Variants in SERPINA6 observed in about 807,000 individuals in gnomAD.
The protein encoded by SERPINA6 is corticosteroid-binding globulin.
In SERPINA6, 19 loss-of-function variants were observed where a neutral mutation model predicts 26.4. The ratio of observed to expected loss-of-function variants is 0.72; its 90% CI spans 0.50 to 1.06. SERPINA6 has a LOEUF of 1.06. SERPINA6 is among the 50% of genes least tolerant of loss of function. SERPINA6 has a pLI of 0.00. For synonymous variants in SERPINA6, 196 were observed against 199.4 expected (o/e 0.98, Z 0.14); for missense variants, 473 against 504.0 (o/e 0.94, Z 0.59).
intron 4 of SERPINA6, among the ~76,000 whole-genome samples, chr14:94,305,758 AG>A (rs1895428218): frequency 1.3e-5 from 2 of 152,210 alleles, no homozygotes; most frequent in Non-Finnish European, 2.9e-5. Context: ...TCTTTTTGCC[AG>A]GGGCCACTCA....
chr14:94,320,594 C>T (rs1895670990), intron 1 of SERPINA6, among the ~76,000 whole-genome samples: 1 of 152,178 alleles, frequency 6.6e-6, no homozygotes, highest in Non-Finnish European at 1.5e-5. Flanking sequence ...AACTCTGCTA[C>T]GTTTAATTTG....
rs1311405166 is a variant in SERPINA6, at chr14:94,309,963, C to T, written c.657G>A (p.Glu219=). The T allele has an allele frequency of 6.2e-7, 1 of 1,614,164 alleles. No homozygotes were observed. Among genetic ancestry groups the T allele is most frequent in the Non-Finnish European group, 8.5e-7 (1 of 1,180,036 alleles). Residue 219 remains glutamate (E), a synonymous_variant, in exon 3 of 5, where the codon GAG becomes GAA. Coordinates refer to ENST00000341584, the MANE Select transcript of SERPINA6 (RefSeq NM_001756.4). ...CAGTTGTCTCGTCCACATAGAAGTTCTCCTCCCTGGTGCTTGCCAGGTCAA... is the reference window on the plus strand; with the variant it reads ...CAGTTGTCTCGTCCACATAGAAGTTTTCCTCCCTGGTGCTTGCCAGGTCAA... The part of the protein sequence containing the change: ...QPFDLASTRE[E]NFYVDETTVV...
chr14:94,314,774 C>T (rs1371029937), intron 1 of SERPINA6, 107 bp from the exon 2 acceptor site: 9 of 1,038,270 alleles, frequency 8.7e-6, no homozygotes. Flanking sequence ...CAGTTCCTTC[C>T]TCCACACTGG....
intron 1 of SERPINA6, among the ~76,000 whole-genome samples, chr14:94,321,293 G>C (rs558401839): frequency 1.4e-4 from 21 of 152,180 alleles, no homozygotes; most frequent in Admixed American, 2.6e-4. Flanking sequence ...AATTCAAGCT[G>C]ATCGGTTCTG....
At chr14:94,313,544 G>C (rs1895562660) in intron 2 of SERPINA6, among the ~76,000 whole-genome samples, 1 of 152,210 alleles carries the variant, frequency 6.6e-6, no homozygotes, top group South Asian at 2.1e-4. Flanking sequence ...GCTTCTAGAA[G>C]CTGGAAAAAG....
At position 94,304,449 on chromosome 14, in the gene SERPINA6, A is replaced by G. The variant is rs1323470584; in HGVS notation, c.1187T>C (p.Leu396Pro). The change falls in exon 5 of 5, where the codon CTT becomes CCT. Residue 396 changes from leucine (L) to proline (P), a missense_variant. Physicochemically the swap from Leu to Pro is moderately conservative, Grantham distance 98 (BLOSUM62 -3). Transcript: ENST00000341584. Reference protein sequence around the residue: ...MIFDHFTWSSLFLARVMNPV With the variant: ...MIFDHFTWSSPFLARVMNPV ...TGGGTTCATAACCCTCGCCAGGAAA[A>G]GGCTGCTCCAGGTGAAGTGGTCGAA... 1 of 1,613,986 alleles carries G rather than the reference A, an allele frequency of 6.2e-7. No homozygotes were observed. Among genetic ancestry groups the G allele is most frequent in the African/African-American group, 1.3e-5 (1 of 74,884 alleles).
At chr14:94,305,386 T>C (rs1304696540) in intron 4 of SERPINA6, among the ~76,000 whole-genome samples, 1 of 152,216 alleles carries the variant, frequency 6.6e-6, no homozygotes, top group African/African-American at 2.4e-5. Context: ...GTGGGGAAGC[T>C]GCATACCCTC....
intron 1 of SERPINA6, among the ~76,000 whole-genome samples, chr14:94,315,877 T>C (rs183133396): frequency 1.2e-4 from 19 of 152,176 alleles, no homozygotes; most frequent in Non-Finnish European, 2.2e-4. Context: ...ATTGAAACAC[T>C]TTAATAATTC....
intron 2 of SERPINA6, among the ~76,000 whole-genome samples, chr14:94,313,039 G>A (rs894731867): frequency 3.3e-5 from 5 of 152,248 alleles, no homozygotes; most frequent in African/African-American, 9.6e-5. Context: ...ATGGCAAGAT[G>A]ATTGCCCAAA....
intron 3 of SERPINA6, among the ~76,000 whole-genome samples, chr14:94,307,596 C>A (rs576235576): frequency 1.3e-5 from 2 of 152,330 alleles, no homozygotes; most frequent in South Asian, 2.1e-4. Context: ...TGCGTTATCA[C>A]CCCCTTGTGG....
chr14:94,310,050 A>G (rs2281520), intron 2 of SERPINA6, 44 bp from the exon 3 acceptor site: 410,383 of 1,605,186 alleles, frequency 0.26, 54,775 homozygotes, highest in Non-Finnish European at 0.28. Flanking sequence ...AGAGGAAAAC[A>G]CAGTTCCAGG....
In SERPINA6 at chr14:94,306,352, G is replaced by T. The variant is rs1270316286; in HGVS notation, c.885-134C>A. 5.5e-6 allele frequency: 5 copies of T among 905,422 alleles called. No homozygotes were observed. In the African/African-American group the frequency reaches 6.6e-5, roughly 12 times the overall value. The allele number at this position is 905,422 out of a possible 1,614,324, so 56.1% of individuals were successfully genotyped here. ...CAGCTCCTGCCCTCCAGCCTGACTT[G>T]CTCTTTGTGGGTAGGAGAAGGGACA... On this transcript the variant is annotated intron_variant, in intron 3 of 4. Coordinates refer to ENST00000341584, the MANE Select transcript of SERPINA6 (RefSeq NM_001756.4).
chr14:94,312,509 G>C (rs889463604), intron 2 of SERPINA6, among the ~76,000 whole-genome samples: 1 of 152,242 alleles, frequency 6.6e-6, no homozygotes, highest in Non-Finnish European at 1.5e-5. Context: ...CCCTGCACAA[G>C]AGTGCACAGT....
chr14:94,314,790 T>C, intron 1 of SERPINA6, 123 bp from the exon 2 acceptor site: 1 of 880,600 alleles, frequency 1.1e-6, no homozygotes. Flanking sequence ...ACTGGCTGTG[T>C]GACCTGGAGC....
At chr14:94,322,698 C>G (rs1483863278) in intron 1 of SERPINA6, among the ~76,000 whole-genome samples, 1 of 152,204 alleles carries the variant, frequency 6.6e-6, no homozygotes, top group Non-Finnish European at 1.5e-5. Context: ...CAGTTCTTGA[C>G]CTTCTGTAGT....
At chr14:94,322,780 A>G (rs2281518) in intron 1 of SERPINA6, among the ~76,000 whole-genome samples, 30,735 of 152,122 alleles carry the variant, frequency 0.2, 3,481 homozygotes, top group East Asian at 0.4. Context: ...CAGGTCACTG[A>G]GTGAGGAGCC....
chr14:94,311,754 G>A (rs561564602), intron 2 of SERPINA6, among the ~76,000 whole-genome samples: 106 of 151,996 alleles, frequency 7.0e-4, no homozygotes, highest in Non-Finnish European at 1.0e-3. Flanking sequence ...CCTGGCTAAC[G>A]TGGTGAAACC....
At chr14:94,309,593 T>G in intron 3 of SERPINA6, 143 bp downstream of exon 3, 1 of 874,034 alleles carries the variant, frequency 1.1e-6, no homozygotes, top group South Asian at 1.4e-5. Context: ...TTACAGCCTT[T>G]GGGGGCCCAG....
In SERPINA6 at chr14:94,304,310, A is replaced by T; in HGVS notation, c.*108T>A. On this transcript the variant is annotated 3_prime_UTR_variant, in exon 5 of 5. Transcript: ENST00000341584. ...GTTAGACACAACTCTGGTTGGAGGG[A>T]GAAGAACTTGGAGGAGATTGGGGGA... is the stretch of plus-strand genomic sequence containing the variant. 9.3e-7 allele frequency: 1 copy of T among 1,077,266 alleles called. No homozygotes were observed. Among genetic ancestry groups the T allele is most frequent in the Non-Finnish European group, 1.4e-6 (1 of 692,662 alleles). 66.7% of individuals were successfully genotyped at this position (1,077,266 alleles called of 1,614,324 possible).
Sources: allele counts gnomAD v4.1 joint callset (sites outside exome capture counted in the v4.1 genomes callset), GRCh38; gene constraint gnomAD v4.1.1; transcripts MANE v1.5; gene names NCBI Gene and HGNC (gene_info 2026-07-23, HGNC 2026-07-21).